Variants in TBC1D20 observed in about 807,000 individuals in gnomAD.
TBC1D20 encodes the protein chromosome 20 open reading frame 140.
A neutral mutation model predicts 41.6 loss-of-function variants in TBC1D20; 12 were observed. The ratio of observed to expected loss-of-function variants is 0.29; its 90% confidence interval spans 0.18 to 0.47. The LOEUF (loss-of-function observed/expected upper bound fraction) is 0.47, where lower values mean the gene tolerates loss of function less well. Among genes scored for constraint, TBC1D20 ranks in the 20% least tolerant of loss-of-function variants. The pLI, the probability that TBC1D20 is intolerant of heterozygous loss-of-function variation, is 1.00. For missense variants in TBC1D20, 421 were observed against 517.4 expected (o/e 0.81, Z 1.81); for synonymous variants, 205 against 204.8 (o/e 1.00, Z -0.01).
chr20:441,699 G>A lies in TBC1D20; in HGVS notation c.525-10C>T. 6.2e-7 allele frequency: 1 copy of A among 1,613,056 alleles called. No homozygotes were observed. Among genetic ancestry groups the A allele is most frequent in the East Asian group, 2.2e-5 (1 of 44,880 alleles). On this transcript the variant is annotated splice_polypyrimidine_tract_variant and intron_variant, in intron 4 of 7. Transcript: ENST00000354200. ...TGGATCCATAAAATCCCTGGAGGGAGACAATTCAATAAGCCTGGTTACCAA... is the reference window on the plus strand; with the variant it reads ...TGGATCCATAAAATCCCTGGAGGGAAACAATTCAATAAGCCTGGTTACCAA...
intron 1 of TBC1D20, among the ~76,000 whole-genome samples, chr20:460,207 G>T (rs1457104694): frequency 3.3e-5 from 5 of 150,220 alleles, no homozygotes; most frequent in Admixed American, 3.3e-4. Flanking sequence ...AACAATGGAA[G>T]GGGGGGGCCG....
chr20:456,562 TTTC>T (rs201747952), intron 1 of TBC1D20, among the ~76,000 whole-genome samples: 2,875 of 151,666 alleles, frequency 0.019, 82 homozygotes, highest in East Asian at 0.086. Flanking sequence ...AATGACTTTT[TTTC>T]TTCTTCTTTT....
At chr20:455,965 A>G (rs1243515433) in intron 1 of TBC1D20, among the ~76,000 whole-genome samples, 1 of 151,172 alleles carries the variant, frequency 6.6e-6, no homozygotes, top group African/African-American at 2.4e-5. Flanking sequence ...TAAAAATATA[A>G]TAAAATAAAA....
In TBC1D20 at chr20:453,153, CAAAAAAAAAAAAAAAAAAAA is replaced by C. The variant is rs71191943; in HGVS notation, c.71-5099_71-5080del. On this transcript the variant is annotated intron_variant, in intron 1 of 7. Coordinates refer to ENST00000354200, the MANE Select transcript of TBC1D20 (RefSeq NM_144628.4). ...GGGCAACAAGAGCGAAACTCCGTTT[CAAAAAAAAAAAAAAAAAAAA>C]AAAAAAAAAAAAAAACAGGCTGGGC... Among the ~76,000 whole-genome samples, 26 of 44,858 alleles carry C rather than the reference CAAAAAAAAAAAAAAAAAAAA, an allele frequency of 5.8e-4. 2 individuals are homozygous for C. In the South Asian group the frequency reaches 0.012, roughly 20 times the overall value. 29.4% of individuals were successfully genotyped at this position (44,858 alleles called of 152,430 possible).
intron 1 of TBC1D20, among the ~76,000 whole-genome samples, chr20:452,392 G>A (rs1283109115): frequency 6.6e-6 from 1 of 152,242 alleles, no homozygotes; most frequent in East Asian, 1.9e-4. Context: ...GCTGTGGAGG[G>A]CCAAGGTGTG....
rs2017112570 is a variant in TBC1D20, at chr20:436,044, C to T, written c.*2542G>A. 1 of 152,220 alleles carries T rather than the reference C, an allele frequency of 6.6e-6. No homozygotes were observed. Among genetic ancestry groups the T allele is most frequent in the Non-Finnish European group, 1.5e-5 (1 of 68,070 alleles). The allele number at this position is 152,220 out of a possible 1,614,324, so 9.4% of individuals were successfully genotyped here. A position where few individuals can be genotyped will look rare whatever the true frequency, so the allele number is the denominator to read the frequency against. On this transcript the variant is annotated 3_prime_UTR_variant, in exon 8 of 8. Coordinates refer to ENST00000354200, the MANE Select transcript of TBC1D20 (RefSeq NM_144628.4). ...GGAACTGTGGACAAAAACATCTACA[C>T]ACGTATAAAATATCACAGTGCCCTG...
At position 441,845 on chromosome 20, in the gene TBC1D20, C is replaced by T. The variant is rs754866964; in HGVS notation, c.524+12G>A. The T allele has an allele frequency of 4.3e-6, 7 of 1,611,854 alleles. No homozygotes were observed. The highest frequency in any genetic ancestry group is 5.1e-6 in the Non-Finnish European group (6 of 1,178,248). On this transcript the variant is annotated intron_variant, in intron 4 of 7. Coordinates refer to ENST00000354200, the MANE Select transcript of TBC1D20 (RefSeq NM_144628.4). ...GTGATGCCCGTCGTCTTGTGTTCCT[C>T]TCTACTGGTACCTGAGGTGGTGGGT...
chr20:438,475 TAAA>T lies in TBC1D20; in HGVS notation c.*108_*110del. ...AACGGGCAGGGCAGGGTGGCAGGAA[TAAA>T]AAACTCTGGACAGAAACCCTTTTAA... On this transcript the variant is annotated 3_prime_UTR_variant, in exon 8 of 8. Transcript: ENST00000354200. 2 of 1,334,056 alleles carry T rather than the reference TAAA, an allele frequency of 1.5e-6. No individual in the cohort carries two copies. The highest frequency in any genetic ancestry group is 2.0e-6 in the Non-Finnish European group (2 of 976,090). The allele number at this position is 1,334,056 out of a possible 1,614,324, so 82.6% of individuals were successfully genotyped here.
At chr20:451,283 G>A (rs938682883) in intron 1 of TBC1D20, among the ~76,000 whole-genome samples, 1 of 152,164 alleles carries the variant, frequency 6.6e-6, no homozygotes. Context: ...GGTGGCTCAC[G>A]TCTGTAATCC....
intron 1 of TBC1D20, among the ~76,000 whole-genome samples, chr20:452,042 T>C (rs448362): frequency 0.5 from 76,309 of 152,044 alleles, 19,555 homozygotes; most frequent in African/African-American, 0.55. Context: ...GGCACAGTGG[T>C]TCACACCTGT....
intron 1 of TBC1D20, among the ~76,000 whole-genome samples, chr20:455,921 A>G (rs982900219): frequency 1.3e-5 from 2 of 150,308 alleles, no homozygotes; most frequent in African/African-American, 4.9e-5. Context: ...AACGAGAGCA[A>G]AACTCCGTCT....
chr20:441,348 C>T (rs1446861533), intron 5 of TBC1D20: 1 of 495,110 alleles, frequency 2.0e-6, no homozygotes, highest in African/African-American at 1.9e-5. Context: ...ATACCTTATC[C>T]ACCTCTCCCC....
intron 3 of TBC1D20, among the ~76,000 whole-genome samples, chr20:443,233 A>C (rs1282688633): frequency 1.3e-5 from 2 of 152,258 alleles, no homozygotes; most frequent in African/African-American, 2.4e-5. Context: ...AAAAAATTTT[A>C]AAGTTACACG....
At chr20:442,478 G>C (rs1005637510) in intron 3 of TBC1D20, among the ~76,000 whole-genome samples, 5 of 152,152 alleles carry the variant, frequency 3.3e-5, no homozygotes, top group African/African-American at 1.2e-4. Context: ...CAATACAAAG[G>C]AACTGTTCCA....
rs11471553 is a variant in TBC1D20 at position 454,650 on chromosome 20, C to CATTATTATT, written c.71-6585_71-6577dup. 4.0e-3 allele frequency among the ~76,000 whole-genome samples: 601 copies of CATTATTATT among 149,544 alleles called. 2 individuals carry two copies. The highest frequency in any genetic ancestry group is 0.011 in the South Asian group (50 of 4,710). Reference sequence around the variant, plus strand: ...AAACTGTTTCTATGACAAAGCTGTACATTATTATTATTATTATTATTATTT... The same window carrying CATTATTATT: ...AAACTGTTTCTATGACAAAGCTGTACATTATTATTATTATTATTATTATTATTATTATTT... On this transcript the variant is annotated intron_variant, in intron 1 of 7. Coordinates refer to ENST00000354200, the MANE Select transcript of TBC1D20 (RefSeq NM_144628.4).
chr20:445,393 C>T (rs1003328931), intron 2 of TBC1D20, among the ~76,000 whole-genome samples: 7 of 152,148 alleles, frequency 4.6e-5, no homozygotes, highest in Non-Finnish European at 8.8e-5. Context: ...AGAGCAAAGA[C>T]GTAAGGAGGC....
intron 1 of TBC1D20, among the ~76,000 whole-genome samples, chr20:448,944 G>C (rs754694494): frequency 2.1e-5 from 3 of 139,764 alleles, no homozygotes; most frequent in Non-Finnish European, 3.1e-5. Context: ...CCCGGGTCCC[G>C]GTTCAAGCAA....
At chr20:461,535 A>C (rs1365908671) in intron 1 of TBC1D20, among the ~76,000 whole-genome samples, 2 of 152,078 alleles carry the variant, frequency 1.3e-5, no homozygotes, top group African/African-American at 4.8e-5. Flanking sequence ...AACTTTTAAA[A>C]ACTTTTTGTA....
chr20:438,234 T>G lies in TBC1D20; in HGVS notation c.*352A>C. On this transcript the variant is annotated 3_prime_UTR_variant, in exon 8 of 8. Transcript: ENST00000354200. Reference sequence around the variant, plus strand: ...ATGTTCCAGTTCACCTTCTATGGGGTGACTAGGAGGTTCCCGGTAACTAGG... The same window carrying G: ...ATGTTCCAGTTCACCTTCTATGGGGGGACTAGGAGGTTCCCGGTAACTAGG... 1 of 248,294 alleles carries G rather than the reference T, an allele frequency of 4.0e-6. No homozygotes were observed. The highest frequency in any genetic ancestry group is 7.9e-6 in the Non-Finnish European group (1 of 125,880). 15.4% of individuals were successfully genotyped at this position (248,294 alleles called of 1,614,324 possible). A position where few individuals can be genotyped will look rare whatever the true frequency, so the allele number is the denominator to read the frequency against.
Sources: gnomAD v4.1 joint callset for allele counts (sites outside exome capture counted in the v4.1 genomes callset) on GRCh38, gnomAD v4.1.1 for gene constraint, MANE v1.5 for transcripts, NCBI Gene and HGNC (gene_info 2026-07-23, HGNC 2026-07-21) for gene names.